The following PLXDC2 variants were observed in gnomAD, a reference collection of about 807,000 sequenced individuals.
PLXDC2 encodes the protein plexin domain-containing protein 2.
Under a neutral mutation model 68.9 loss-of-function variants are expected in PLXDC2, and 40 were observed. The ratio of observed to expected loss-of-function variants is 0.58; its 90% confidence interval spans 0.45 to 0.76. The LOEUF (loss-of-function observed/expected upper bound fraction) is 0.76. PLXDC2 is among the 30% of genes least tolerant of loss of function. The pLI is 0.00. For synonymous variants in PLXDC2, 243 were observed against 234.2 expected (o/e 1.04, Z -0.34); for missense variants, 644 against 661.9 (o/e 0.97, Z 0.30).
intron 1 of PLXDC2, among the ~76,000 whole-genome samples, chr10:19,876,463 G>A (rs1385592151): frequency 8.6e-5 from 13 of 152,042 alleles, no homozygotes; most frequent in African/African-American, 3.1e-4. Context: ...TTAGCCGGGC[G>A]TGGTGGTGCA....
chr10:20,281,974 T>G lies in PLXDC2; in HGVS notation c.*2155T>G, dbSNP rs542215183. On this transcript the variant is annotated 3_prime_UTR_variant, in exon 14 of 14. Transcript: ENST00000377252. The stretch of plus-strand genomic sequence containing the variant: ...TTAGTTTGTGTCCCTTAAGTACTAC[T>G]TAATTCTCAAGTAGTAATGTTATTC... 4 of 152,296 alleles carry G rather than the reference T, an allele frequency of 2.6e-5. No homozygotes were observed. In the East Asian group the frequency reaches 5.8e-4, roughly 22 times the overall value. The allele number at this position is 152,296 out of a possible 1,614,324, so 9.4% of individuals were successfully genotyped here.
intron 13 of PLXDC2, 135 bp downstream of exon 13, chr10:20,245,640 G>T: frequency 9.9e-7 from 1 of 1,006,306 alleles, no homozygotes; most frequent in Non-Finnish European, 1.5e-6. Context: ...CACACACATG[G>T]ATGTTGTCCC....
chr10:19,961,250 G>A (rs1462460198), intron 1 of PLXDC2, among the ~76,000 whole-genome samples: 1 of 152,188 alleles, frequency 6.6e-6, no homozygotes, highest in African/African-American at 2.4e-5. Flanking sequence ...GATCAAAATA[G>A]AAGTCATTGA....
At chr10:20,086,657 A>C (rs1200669920) in intron 4 of PLXDC2, among the ~76,000 whole-genome samples, 1 of 152,114 alleles carries the variant, frequency 6.6e-6, no homozygotes, top group Admixed American at 6.6e-5. Context: ...ATAATATCTA[A>C]ACATGGTACA....
At chr10:20,122,418 A>G (rs1003542268) in intron 4 of PLXDC2, among the ~76,000 whole-genome samples, 7 of 152,228 alleles carry the variant, frequency 4.6e-5, no homozygotes, top group African/African-American at 1.2e-4. Flanking sequence ...ATTGGGCAGC[A>G]TCAGTCTTCA....
rs191602282 is a variant in PLXDC2, at chr10:20,103,434, G to A, written c.541+35195G>A. 1.1e-3 allele frequency among the ~76,000 whole-genome samples: 172 copies of A among 152,162 alleles called. No individual in the cohort carries two copies. In the Middle Eastern group the frequency reaches 0.017, roughly 15 times the overall value. On this transcript the variant is annotated intron_variant, in intron 4 of 13. Coordinates refer to ENST00000377252, the MANE Select transcript of PLXDC2 (RefSeq NM_032812.9). ...GAAAAAGCCCTGGGCACAGACACCC[G>A]AGACTTGTGGGTTCAAGGAAGAGGT...
At chr10:20,072,531 G>GA in intron 4 of PLXDC2, among the ~76,000 whole-genome samples, 1 of 105,498 alleles carries the variant, frequency 9.5e-6, no homozygotes, top group African/African-American at 7.3e-5. Context: ...AAGAAAGAAA[G>GA]AAAGAAAGAA....
intron 1 of PLXDC2, among the ~76,000 whole-genome samples, chr10:19,919,131 A>T (rs1350111453): frequency 6.6e-6 from 1 of 152,226 alleles, no homozygotes; most frequent in African/African-American, 2.4e-5. Flanking sequence ...GGAGAAATGT[A>T]AATACAGGGT....
At chr10:20,148,928 A>C (rs1256449291) in intron 6 of PLXDC2, among the ~76,000 whole-genome samples, 1 of 152,214 alleles carries the variant, frequency 6.6e-6, no homozygotes, top group Non-Finnish European at 1.5e-5. Flanking sequence ...CCAACTTTTA[A>C]AAATTCTGTA....
At chr10:19,820,596 T>C (rs973809933) in intron 1 of PLXDC2, among the ~76,000 whole-genome samples, 1 of 146,714 alleles carries the variant, frequency 6.8e-6, no homozygotes, top group Non-Finnish European at 1.5e-5. Context: ...ATTGCGCCAC[T>C]GCAGTCCGCA....
intron 12 of PLXDC2, among the ~76,000 whole-genome samples, chr10:20,224,881 C>T (rs547210969): frequency 2.0e-5 from 3 of 152,220 alleles, no homozygotes; most frequent in Non-Finnish European, 4.4e-5. Flanking sequence ...AAAGTATCAG[C>T]ACTCCAGGTG....
chr10:20,006,867 A>G (rs2131641225), intron 2 of PLXDC2, among the ~76,000 whole-genome samples: 1 of 152,354 alleles, frequency 6.6e-6, no homozygotes, highest in South Asian at 2.1e-4. Context: ...CAGGGGCCCA[A>G]CAGATGGCAA....
chr10:20,107,528 A>C (rs552634450), intron 4 of PLXDC2, among the ~76,000 whole-genome samples: 1 of 152,154 alleles, frequency 6.6e-6, no homozygotes, highest in South Asian at 2.1e-4. Context: ...TTTGTTTTTA[A>C]TTGTAATCAA....
chr10:20,147,685 T>C (rs888161422), intron 5 of PLXDC2, 99 bp from the exon 6 acceptor site: 2 of 688,596 alleles, frequency 2.9e-6, no homozygotes, highest in Non-Finnish European at 5.0e-6. Context: ...ACTACCAGAT[T>C]TGAAGGCCAG....
At chr10:19,938,450 G>A (rs766216739) in intron 1 of PLXDC2, among the ~76,000 whole-genome samples, 17 of 152,156 alleles carry the variant, frequency 1.1e-4, no homozygotes, top group Non-Finnish European at 2.1e-4. Context: ...GTTTACTGAT[G>A]GTGGAAGGCA....
chr10:20,082,045 G>GAAAAAAAAAAAAA (rs1439512108), intron 4 of PLXDC2, among the ~76,000 whole-genome samples: 29 of 9,564 alleles, frequency 3.0e-3, no homozygotes, highest in Non-Finnish European at 3.6e-3. Flanking sequence ...AACTCCATCT[G>GAAAAAAAAAAAAA]AAAAAAAAAA....
At chr10:20,111,241 G>A (rs979097299) in intron 4 of PLXDC2, among the ~76,000 whole-genome samples, 11 of 152,050 alleles carry the variant, frequency 7.2e-5, no homozygotes, top group South Asian at 4.1e-4. Context: ...AACATGTCTC[G>A]TATCATTTTC....
intron 2 of PLXDC2, among the ~76,000 whole-genome samples, chr10:20,039,762 A>G (rs573026639): frequency 5.2e-4 from 79 of 152,330 alleles, no homozygotes; most frequent in African/African-American, 1.8e-3. Flanking sequence ...TTCAAATAAT[A>G]CAGATGAGAG....
chr10:19,837,127 T>C (rs1220511361), intron 1 of PLXDC2, among the ~76,000 whole-genome samples: 3 of 151,938 alleles, frequency 2.0e-5, no homozygotes, highest in Admixed American at 6.6e-5. Context: ...TCAACAGTTG[T>C]TTTATAAGAT....
Sources: gnomAD v4.1 joint callset for allele counts (sites outside exome capture counted in the v4.1 genomes callset) on GRCh38, gnomAD v4.1.1 for gene constraint, MANE v1.5 for transcripts, NCBI Gene and HGNC (gene_info 2026-07-23, HGNC 2026-07-21) for gene names.